Variants in GLIS3 observed in about 807,000 individuals in gnomAD.
GLIS3 encodes GLIS family zinc finger 3.
In GLIS3, 53 loss-of-function variants were observed where a neutral mutation model predicts 78.6. That is an observed-to-expected ratio of 0.67 (90% CI 0.54 to 0.85). The LOEUF is 0.85. GLIS3 is among the 40% of genes least tolerant of loss of function. The probability of loss-of-function intolerance (pLI) is 0.00; values close to 1 mark genes in which losing one functional copy is unlikely to be tolerated. For synonymous variants in GLIS3, 684 were observed against 509.9 expected, an observed-to-expected ratio of 1.34 and a Z score of -4.60; for missense variants, 1,703 against 1,231.1, an observed-to-expected ratio of 1.38 and a Z score of -5.74.
At chr9:4,180,465 T>A (rs1313046126) in intron 2 of GLIS3, among the ~76,000 whole-genome samples, 1 of 152,138 alleles carries the variant, frequency 6.6e-6, no homozygotes, top group Admixed American at 6.5e-5. Context: ...CCCACATAAT[T>A]TTTTACGGCT....
the GLIS3 span, among the ~76,000 whole-genome samples, chr9:4,390,911 T>A: frequency 6.6e-6 from 1 of 152,210 alleles, no homozygotes; most frequent in Non-Finnish European, 1.5e-5. Flanking sequence ...TTAAAAAAGT[T>A]AATGCCCTTT....
At chr9:3,941,282 G>A (rs966915925) in intron 4 of GLIS3, among the ~76,000 whole-genome samples, 1 of 152,106 alleles carries the variant, frequency 6.6e-6, no homozygotes, top group African/African-American at 2.4e-5. Flanking sequence ...CCATTCCACA[G>A]CAGGGCAAAA....
intron 6 of GLIS3, among the ~76,000 whole-genome samples, chr9:3,932,141 G>A (rs1198503563): frequency 1.6e-5 from 2 of 121,938 alleles, no homozygotes; most frequent in Non-Finnish European, 4.1e-5. Context: ...TAGCAGCTAT[G>A]CAAACCATAG....
chr9:3,911,099 T>TCC (rs1366582776), intron 6 of GLIS3, among the ~76,000 whole-genome samples: 151 of 151,900 alleles, frequency 9.9e-4, no homozygotes, highest in Middle Eastern at 6.8e-3. Flanking sequence ...CTTCCTTCCT[T>TCC]TCTTCCTTCC....
intron 2 of GLIS3, among the ~76,000 whole-genome samples, chr9:4,321,305 C>A (rs1169379007): frequency 1.5e-5 from 2 of 130,772 alleles, no homozygotes; most frequent in African/African-American, 7.4e-5. Flanking sequence ...GCCTGTAGTC[C>A]CAGCTACTCG....
intron 4 of GLIS3, among the ~76,000 whole-genome samples, chr9:3,969,459 G>C (rs988971711): frequency 6.6e-6 from 1 of 152,150 alleles, no homozygotes; most frequent in Middle Eastern, 3.2e-3. Flanking sequence ...CCTTCTTTTG[G>C]TCTTGCACAT....
At chr9:3,965,836 G>A (rs1240992362) in intron 4 of GLIS3, among the ~76,000 whole-genome samples, 3 of 152,166 alleles carry the variant, frequency 2.0e-5, no homozygotes, top group East Asian at 1.9e-4. Flanking sequence ...CCCAGGAAAC[G>A]AAGAGAAATG....
intron 2 of GLIS3, among the ~76,000 whole-genome samples, chr9:4,258,756 C>T (rs953451484): frequency 6.6e-6 from 1 of 152,122 alleles, no homozygotes; most frequent in African/African-American, 2.4e-5. Flanking sequence ...TTGCTAGCTA[C>T]ATGGGTCAAT....
the GLIS3 span, among the ~76,000 whole-genome samples, chr9:4,438,029 A>G: frequency 6.6e-6 from 1 of 152,196 alleles, no homozygotes; most frequent in Non-Finnish European, 1.5e-5. Flanking sequence ...TTTTGACTGT[A>G]TAAGGGATTG....
At chr9:3,904,744 T>C (rs1419827568) in intron 6 of GLIS3, among the ~76,000 whole-genome samples, 1 of 152,182 alleles carries the variant, frequency 6.6e-6, no homozygotes, top group Non-Finnish European at 1.5e-5. Flanking sequence ...GCCTCACAAC[T>C]CTATGGAGTA....
intron 4 of GLIS3, among the ~76,000 whole-genome samples, chr9:4,087,965 C>G (rs947085912): frequency 3.3e-5 from 5 of 152,196 alleles, no homozygotes; most frequent in Admixed American, 3.3e-4. Flanking sequence ...CCCCAATGAA[C>G]TTTAGACTTC....
intron 2 of GLIS3, among the ~76,000 whole-genome samples, chr9:4,279,328 C>CCA (rs1827329717): frequency 3.7e-5 from 1 of 27,148 alleles, no homozygotes. Flanking sequence ...TATATATACA[C>CCA]ACACACACAC....
the GLIS3 span, among the ~76,000 whole-genome samples, chr9:4,457,643 C>T: frequency 6.6e-6 from 1 of 151,732 alleles, no homozygotes; most frequent in Admixed American, 6.6e-5. Context: ...GTCAGGAGAT[C>T]GAGACCATCC....
intron 2 of GLIS3, among the ~76,000 whole-genome samples, chr9:4,248,132 A>C: frequency 6.6e-6 from 1 of 152,188 alleles, no homozygotes; most frequent in East Asian, 1.9e-4. Context: ...ATGCATGTGC[A>C]GAACGTCCAG....
chr9:4,165,814 G>A (rs1006495565), intron 2 of GLIS3, among the ~76,000 whole-genome samples: 1 of 152,168 alleles, frequency 6.6e-6, no homozygotes, highest in South Asian at 2.1e-4. Flanking sequence ...TCAATTGGGT[G>A]AGATTGCTCA....
At chr9:4,162,655 G>C (rs1215250449) in intron 2 of GLIS3, among the ~76,000 whole-genome samples, 2 of 151,926 alleles carry the variant, frequency 1.3e-5, no homozygotes, top group Admixed American at 6.6e-5. Context: ...GTCAGATCGA[G>C]ACCATCCTGG....
intron 4 of GLIS3, among the ~76,000 whole-genome samples, chr9:4,069,794 G>C (rs1264897091): frequency 6.6e-6 from 1 of 151,842 alleles, no homozygotes; most frequent in Non-Finnish European, 1.5e-5. Flanking sequence ...GAAAGATTTG[G>C]GAATCATTCT....
chr9:3,883,961 G>C (rs1228801954), intron 7 of GLIS3, among the ~76,000 whole-genome samples: 2 of 152,218 alleles, frequency 1.3e-5, no homozygotes, highest in Non-Finnish European at 2.9e-5. Context: ...CTCTTTCTTA[G>C]TGGCCTGGCT....
intron 2 of GLIS3, among the ~76,000 whole-genome samples, chr9:4,283,661 C>A (rs897481695): frequency 5.3e-5 from 8 of 152,208 alleles, no homozygotes; most frequent in Non-Finnish European, 1.2e-4. Flanking sequence ...ATCTCCAGAA[C>A]AGTGGCTCAC....
Sources: gnomAD v4.1 joint callset for allele counts (sites outside exome capture counted in the v4.1 genomes callset) on GRCh38, gnomAD v4.1.1 for gene constraint, MANE v1.5 for transcripts, NCBI Gene and HGNC (gene_info 2026-07-23, HGNC 2026-07-21) for gene names.